The following TVP23A variants were observed in gnomAD, a reference collection of about 807,000 sequenced individuals.
TVP23A encodes the protein Golgi apparatus membrane protein TVP23 homolog A.
Under a neutral mutation model 31.7 loss-of-function variants are expected in TVP23A, and 21 were observed. The ratio of observed to expected loss-of-function variants is 0.66; its 90% confidence interval spans 0.47 to 0.95. TVP23A has a LOEUF of 0.95. Among genes scored for constraint, TVP23A ranks in the 40% least tolerant of loss-of-function variants. TVP23A has a pLI of 0.00. For synonymous variants in TVP23A, 104 were observed against 96.0 expected, an observed-to-expected ratio of 1.08 and a Z score of -0.49; for missense variants, 279 against 255.6, an observed-to-expected ratio of 1.09 and a Z score of -0.62.
intron 3 of TVP23A, 90 bp downstream of exon 3, chr16:10,774,862 G>A: frequency 8.9e-7 from 1 of 1,118,506 alleles, no homozygotes; most frequent in Non-Finnish European, 1.3e-6. Flanking sequence ...CATGTCTCAG[G>A]AGTCTAAACC....
chr16:10,787,559 C>T (rs140037324), intron 2 of TVP23A, among the ~76,000 whole-genome samples: 73 of 152,198 alleles, frequency 4.8e-4, no homozygotes, highest in Non-Finnish European at 8.4e-4. Flanking sequence ...GGGGGGGCAG[C>T]CTTCCGTGAG....
rs560891578 is a variant in TVP23A, at chr16:10,768,017, A to G, written c.*1085T>C. On this transcript the variant is annotated 3_prime_UTR_variant, in exon 8 of 8. Coordinates refer to ENST00000299866, the MANE Select transcript of TVP23A (RefSeq NM_001079512.4). This position sits in a 1 kb window ranked among gnomAD's most constrained non-coding sequence, Gnocchi z 4.3. Reference sequence around the variant, plus strand: ...AGATTCCCCAGCCACGTTAGCCTACAGAAGTATAATTCAGAGTAAGTATTT... The same window carrying G: ...AGATTCCCCAGCCACGTTAGCCTACGGAAGTATAATTCAGAGTAAGTATTT... The G allele has an allele frequency of 1.1e-5, 18 of 1,614,070 alleles. No individual in the cohort carries two copies. In the South Asian group the frequency reaches 1.9e-4, roughly 17 times the overall value.
intron 2 of TVP23A, among the ~76,000 whole-genome samples, chr16:10,790,528 G>A (rs1056757902): frequency 3.3e-5 from 5 of 151,998 alleles, no homozygotes; most frequent in Admixed American, 2.6e-4. Flanking sequence ...CTTGTGATCC[G>A]CCCGCCTCGG....
Position 10,767,928 on chromosome 16 carries a change from TC to T in TVP23A, c.*1173del. 7 of 1,612,332 alleles carry T rather than the reference TC, an allele frequency of 4.3e-6. No homozygotes were observed. In the South Asian group the frequency reaches 7.7e-5, roughly 18 times the overall value. On this transcript the variant is annotated 3_prime_UTR_variant, in exon 8 of 8. Transcript: ENST00000299866. This position sits in a 1 kb window ranked among gnomAD's most constrained non-coding sequence, Gnocchi z 4.6. Reference sequence around the variant, plus strand: ...GTTTTCCTCTTGGACTGAATTGTCTTCCGTTTGTTTCTTTTTTAAGGTAAGA... The same window carrying T: ...GTTTTCCTCTTGGACTGAATTGTCTTCGTTTGTTTCTTTTTTAAGGTAAGA...
At chr16:10,782,458 G>A (rs1471064252) in intron 2 of TVP23A, among the ~76,000 whole-genome samples, 1 of 152,002 alleles carries the variant, frequency 6.6e-6, no homozygotes, top group Non-Finnish European at 1.5e-5. Context: ...GGTAGTTGCT[G>A]CTCACCTGTG....
chr16:10,770,183 C>T, intron 7 of TVP23A, 89 bp downstream of exon 7: 1 of 1,500,300 alleles, frequency 6.7e-7, no homozygotes. Flanking sequence ...AGGGGAAGCC[C>T]ACCCAGACCC....
At chr16:10,775,817 C>T (rs1176621733) in intron 2 of TVP23A, among the ~76,000 whole-genome samples, 3 of 138,874 alleles carry the variant, frequency 2.2e-5, no homozygotes, top group East Asian at 4.3e-4. Flanking sequence ...GGCGTGATCT[C>T]GGTTCACAGC....
At chr16:10,800,411 G>C (rs1010250947) in intron 2 of TVP23A, 18 of 152,158 alleles carry the variant, frequency 1.2e-4, no homozygotes, top group African/African-American at 4.1e-4. Context: ...TCTGGAACCA[G>C]GGTGTGTCTA....
chr16:10,768,946 G>A lies in TVP23A; in HGVS notation c.*156C>T, dbSNP rs553502255. Reference sequence around the variant, plus strand: ...GGTCTTTTTATGGAACTAGCCAGAGGATTCCACCCCTGTCAAAACACAGCC... The same window carrying A: ...GGTCTTTTTATGGAACTAGCCAGAGAATTCCACCCCTGTCAAAACACAGCC... On this transcript the variant is annotated 3_prime_UTR_variant, in exon 8 of 8. Coordinates refer to ENST00000299866, the MANE Select transcript of TVP23A (RefSeq NM_001079512.4). This position sits in a 1 kb window ranked among gnomAD's most constrained non-coding sequence, Gnocchi z 4.3. 49 of 1,021,160 alleles carry A rather than the reference G, an allele frequency of 4.8e-5. No individual in the cohort carries two copies. In the African/African-American group the frequency reaches 6.2e-4, roughly 13 times the overall value. The allele number at this position is 1,021,160 out of a possible 1,614,324, so 63.3% of individuals were successfully genotyped here.
chr16:10,781,174 C>A (rs910190351), intron 2 of TVP23A, among the ~76,000 whole-genome samples: 1 of 151,900 alleles, frequency 6.6e-6, no homozygotes, highest in African/African-American at 2.4e-5. Flanking sequence ...ACTAAAAATA[C>A]AAAAATTAGC....
intron 2 of TVP23A, among the ~76,000 whole-genome samples, chr16:10,805,407 C>T (rs917146037): frequency 6.6e-6 from 1 of 151,822 alleles, no homozygotes; most frequent in Non-Finnish European, 1.5e-5. Flanking sequence ...AAGAGCATAC[C>T]GGAGGCTTGG....
chr16:10,791,236 C>A (rs1380932432), intron 2 of TVP23A, among the ~76,000 whole-genome samples: 2 of 152,074 alleles, frequency 1.3e-5, no homozygotes, highest in African/African-American at 4.8e-5. Flanking sequence ...TTTTGGACAT[C>A]CTTTGTCAGA....
chr16:10,790,656 G>C (rs866881292), intron 2 of TVP23A, among the ~76,000 whole-genome samples: 1 of 152,114 alleles, frequency 6.6e-6, no homozygotes, highest in Admixed American at 6.6e-5. Flanking sequence ...TGGAAAGTAA[G>C]TCACGATATA....
intron 2 of TVP23A, among the ~76,000 whole-genome samples, chr16:10,798,834 T>C (rs2142995935): frequency 6.6e-6 from 1 of 152,172 alleles, no homozygotes; most frequent in Non-Finnish European, 1.5e-5. Flanking sequence ...CAGCTAATTT[T>C]TGTATTTTTA....
chr16:10,804,150 G>C (rs562048771), intron 2 of TVP23A, among the ~76,000 whole-genome samples: 43 of 152,294 alleles, frequency 2.8e-4, no homozygotes, highest in African/African-American at 1.0e-3. Context: ...CTGACCGTGG[G>C]GCTGGCCTAT....
chr16:10,810,835 T>C (rs1218135782), intron 2 of TVP23A, among the ~76,000 whole-genome samples: 1 of 152,182 alleles, frequency 6.6e-6, no homozygotes, highest in Non-Finnish European at 1.5e-5. Flanking sequence ...TTCCCAGGCC[T>C]TCGGGCTAGG....
chr16:10,793,031 G>A (rs906314517), intron 2 of TVP23A, among the ~76,000 whole-genome samples: 7 of 152,278 alleles, frequency 4.6e-5, no homozygotes, highest in Admixed American at 2.6e-4. Flanking sequence ...GCTCCTGCCT[G>A]TAATCCCAGC....
intron 2 of TVP23A, among the ~76,000 whole-genome samples, chr16:10,796,973 T>C (rs982652915): frequency 2.0e-5 from 3 of 152,116 alleles, no homozygotes; most frequent in Non-Finnish European, 4.4e-5. Context: ...GAAGGTGACT[T>C]GAGCCCAAGA....
downstream of TVP23A, chr16:10,765,124 C>CT (rs1283557462): frequency 6.5e-6 from 1 of 153,518 alleles, no homozygotes; most frequent in African/African-American, 2.4e-5. This position sits in a 1 kb window ranked among gnomAD's most constrained non-coding sequence, Gnocchi z 4.0. Context: ...AGCATGGCAG[C>CT]TGCTGCCAGA....
Sources: gnomAD v4.1 joint callset for allele counts (sites outside exome capture counted in the v4.1 genomes callset) on GRCh38, gnomAD v4.1.1 for gene constraint, Gnocchi (gnomAD v3.1) non-coding constraint, MANE v1.5 for transcripts, NCBI Gene and HGNC (gene_info 2026-07-23, HGNC 2026-07-21) for gene names.